The following ASPH variants were observed in gnomAD, a reference collection of about 807,000 sequenced individuals.
ASPH encodes aspartyl/asparaginyl beta-hydroxylase.
Under a neutral mutation model 118.4 loss-of-function variants are expected in ASPH, and 100 were observed. The observed-to-expected ratio is 0.84, with a 90% CI of 0.72 to 1.00. The LOEUF is 1.00. Ranked by LOEUF, ASPH falls within the 50% of genes least tolerant of loss-of-function variation. The probability of loss-of-function intolerance (pLI) is 0.00; values close to 1 mark genes in which losing one functional copy is unlikely to be tolerated. For synonymous variants in ASPH, 315 were observed against 325.6 expected (o/e 0.97, Z 0.35); for missense variants, 920 against 919.5 (o/e 1.00, Z -0.01).
chr8:61,576,858 CCT>C lies in ASPH; in HGVS notation c.1063-2_1063-1del, dbSNP rs1353049401. ...GCATTCACTGCTTCCTCAATTTTTCCCTGTTAGAAAGACAAAATTACATAAAT... is the reference window on the plus strand; with the variant it reads ...GCATTCACTGCTTCCTCAATTTTTCCGTTAGAAAGACAAAATTACATAAAT... On this transcript the variant is annotated splice_acceptor_variant, in intron 15 of 24. Coordinates refer to ENST00000379454, the MANE Select transcript of ASPH (RefSeq NM_004318.4). LOFTEE classifies it high-confidence loss of function. 1.2e-6 allele frequency: 2 copies of C among 1,601,842 alleles called. No individual in the cohort carries two copies. The highest frequency in any genetic ancestry group is 1.3e-5 in the African/African-American group (1 of 74,658).
At chr8:61,551,866 C>A (rs1826138252) in intron 20 of ASPH, among the ~76,000 whole-genome samples, 1 of 152,198 alleles carries the variant, frequency 6.6e-6, no homozygotes, top group African/African-American at 2.4e-5. Context: ...CTTCTCCCAT[C>A]TTTCTCTTTA....
rs761647989 is a variant in ASPH at position 61,576,815 on chromosome 8, C to T, written c.1106G>A (p.Arg369His). ...EAVNAFKELV[R>H]KYPQSPRARY... ...TGCTCGTGGACTCTGAGGGTATTTG[C>T]GTACTAGTTCTTTAAATGCATTCAC... Residue 369 changes from arginine to histidine, a missense_variant, in exon 16 of 25, where the codon CGC becomes CAC. Physicochemically the swap from Arg to His is conservative, Grantham distance 29. Transcript: ENST00000379454. The T allele has an allele frequency of 3.6e-5, 58 of 1,609,006 alleles. No homozygotes were observed. In the East Asian group the frequency reaches 5.4e-4, roughly 15 times the overall value.
chr8:61,519,549 G>A (rs4512374), intron 22 of ASPH, among the ~76,000 whole-genome samples: 60,434 of 152,098 alleles, frequency 0.4, 14,014 homozygotes, highest in African/African-American at 0.63. Context: ...TGAATATGTT[G>A]TCTTTCATGC....
chr8:61,614,047 C>A (rs1848266683), intron 14 of ASPH, among the ~76,000 whole-genome samples: 12 of 151,978 alleles, frequency 7.9e-5, no homozygotes, highest in Admixed American at 7.9e-4. Context: ...CTTTAAGTTG[C>A]TTTGCAGATG....
At position 61,704,194 on chromosome 8, in the gene ASPH, CAAAAAAAAAAAAAAAAAAAAAAAAA is replaced by C. The variant is rs61553495; in HGVS notation, c.103+10050_103+10074del. On this transcript the variant is annotated intron_variant, in intron 1 of 24. Coordinates refer to ENST00000379454, the MANE Select transcript of ASPH (RefSeq NM_004318.4). Reference sequence around the variant, plus strand: ...TGGGCGACAGAGCGAGACTCCGTCTCAAAAAAAAAAAAAAAAAAAAAAAAAAAAAAAAAAAAAAACAGAGGGGCTC... The same window carrying C: ...TGGGCGACAGAGCGAGACTCCGTCTCAAAAAAAAAAAAAACAGAGGGGCTC... Among the ~76,000 whole-genome samples the C allele has an allele frequency of 4.5e-4, 18 of 40,426 alleles. 1 individual carries two copies. The highest frequency in any genetic ancestry group is 6.1e-4 in the Non-Finnish European group (15 of 24,494). The allele number at this position is 40,426 out of a possible 152,430, so 26.5% of individuals were successfully genotyped here. A position where few individuals can be genotyped will look rare whatever the true frequency, so the allele number is the denominator to read the frequency against.
At chr8:61,675,826 T>G in intron 3 of ASPH, 1 of 1,297,030 alleles carries the variant, frequency 7.7e-7, no homozygotes, top group Non-Finnish European at 9.8e-7. Flanking sequence ...ACCAAGAACA[T>G]CATTTTCAGT....
In ASPH at chr8:61,503,433, G is replaced by GGAAA; in HGVS notation, c.2199_2202dup (p.Arg735PhefsTer28). The GGAAA allele has an allele frequency of 6.2e-7, 1 of 1,612,922 alleles. No individual in the cohort carries two copies. Among genetic ancestry groups the GGAAA allele is most frequent in the Non-Finnish European group, 8.5e-7 (1 of 1,179,576 alleles). On this transcript the variant is annotated frameshift_variant, in exon 25 of 25. Transcript: ENST00000379454. LOFTEE classifies it high-confidence loss of function. Reference sequence around the variant, plus strand: ...CACACATCCACGATGAATATCAGCCGGAAAGATGAGGCATCCTGCCATACC... The same window carrying GGAAA: ...CACACATCCACGATGAATATCAGCCGGAAAGAAAGATGAGGCATCCTGCCATACC...
chr8:61,622,947 T>C (rs1174838102), intron 13 of ASPH, among the ~76,000 whole-genome samples: 1 of 152,198 alleles, frequency 6.6e-6, no homozygotes, highest in Non-Finnish European at 1.5e-5. Context: ...AACAACCTGT[T>C]CTAGAACCCC....
At chr8:61,704,283 A>G (rs993629487) in intron 1 of ASPH, among the ~76,000 whole-genome samples, 1 of 150,694 alleles carries the variant, frequency 6.6e-6, no homozygotes, top group Non-Finnish European at 1.5e-5. Flanking sequence ...TTGCTTTTTG[A>G]CAAAGGCACC....
Position 61,578,703 on chromosome 8 carries a change from G to T in ASPH, c.1063-1845C>A, listed in dbSNP as rs1434880890. ...TCTGGGCCAGGAGAAGCTGAAGCTG[G>T]AGGCGGAGCTTGGCAACATGCAGAG... is the stretch of plus-strand genomic sequence containing the variant. On this transcript the variant is annotated intron_variant, in intron 15 of 24. Transcript: ENST00000379454. 5.0e-6 allele frequency: 8 copies of T among 1,607,946 alleles called. No individual in the cohort carries two copies. The African/African-American group carries it at 6.7e-5, about 13-fold the overall frequency.
chr8:61,622,400 A>C (rs374234320), intron 13 of ASPH, among the ~76,000 whole-genome samples: 7 of 152,214 alleles, frequency 4.6e-5, no homozygotes, highest in African/African-American at 1.4e-4. Context: ...CCACTGCGCT[A>C]ATCTGCCAGC....
intron 8 of ASPH, 54 bp from the exon 9 acceptor site, chr8:61,643,487 A>G: frequency 6.6e-7 from 1 of 1,512,964 alleles, no homozygotes; most frequent in Non-Finnish European, 9.0e-7. Flanking sequence ...ACACATTGCC[A>G]GACAGCATTC....
chr8:61,704,151 C>A (rs1205236688), intron 1 of ASPH, among the ~76,000 whole-genome samples: 1 of 122,336 alleles, frequency 8.2e-6, no homozygotes, highest in Non-Finnish European at 1.6e-5. Flanking sequence ...GCCGAGATCC[C>A]GCCACTGCAC....
chr8:61,713,129 T>G (rs189770208), intron 1 of ASPH, among the ~76,000 whole-genome samples: 2 of 152,374 alleles, frequency 1.3e-5, no homozygotes, highest in Admixed American at 6.5e-5. Context: ...TGTGTCTACA[T>G]CTTTACTTTT....
Position 61,562,778 on chromosome 8 carries a change from C to A in ASPH, c.1403G>T (p.Gly468Val). 6.2e-7 allele frequency: 1 copy of A among 1,610,518 alleles called. No individual in the cohort carries two copies. Among genetic ancestry groups the A allele is most frequent in the Non-Finnish European group, 8.5e-7 (1 of 1,178,748 alleles). The change falls in exon 18 of 25, where the codon GGA becomes GTA. Residue 468 changes from glycine (G) to valine (V), a missense_variant. Coordinates refer to ENST00000379454, the MANE Select transcript of ASPH (RefSeq NM_004318.4). ...NDLGVGYLLI[G>V]DNDNAKKVYE... ...AACTTTCTTTGCATTGTCATTATCTCCTATCAAGAGGTATCCCACGCCAAG... is the reference window on the plus strand; with the variant it reads ...AACTTTCTTTGCATTGTCATTATCTACTATCAAGAGGTATCCCACGCCAAG...
intron 1 of ASPH, among the ~76,000 whole-genome samples, chr8:61,688,079 G>A (rs1831248451): frequency 6.6e-6 from 1 of 152,122 alleles, no homozygotes; most frequent in Non-Finnish European, 1.5e-5. Context: ...TGAAACTGAT[G>A]AACGCATGGT....
At chr8:61,583,394 T>C (rs995053504) in intron 15 of ASPH, 1 of 152,486 alleles carries the variant, frequency 6.6e-6, no homozygotes. Context: ...ACCCTGTCTC[T>C]ACTAAAAATA....
At chr8:61,644,688 T>C (rs573686213) in intron 6 of ASPH, 56 bp from the exon 7 acceptor site, 1 of 1,313,880 alleles carries the variant, frequency 7.6e-7, no homozygotes, top group Non-Finnish European at 1.1e-6. Context: ...GGTATGTATA[T>C]ATCCCGTATA....
chr8:61,695,453 T>C (rs911772032), intron 1 of ASPH, among the ~76,000 whole-genome samples: 5 of 152,190 alleles, frequency 3.3e-5, no homozygotes, highest in Admixed American at 6.5e-5. Flanking sequence ...TGGTCTTTCC[T>C]GTCTCGGGCT....
Sources: gnomAD v4.1 joint callset for allele counts (sites outside exome capture counted in the v4.1 genomes callset) on GRCh38, gnomAD v4.1.1 for gene constraint, MANE v1.5 for transcripts, NCBI Gene and HGNC (gene_info 2026-07-23, HGNC 2026-07-21) for gene names.